The following KLHL14 variants were observed in gnomAD, a reference collection of about 807,000 sequenced individuals.
KLHL14 encodes the protein kelch-like protein 14.
KLHL14 carries 22 observed loss-of-function variants against 64.3 expected under a neutral mutation model. The ratio of observed to expected loss-of-function variants is 0.34; its 90% CI spans 0.24 to 0.49. The LOEUF (loss-of-function observed/expected upper bound fraction) is 0.49. KLHL14 is among the 20% of genes least tolerant of loss of function. The pLI is 0.99. For synonymous variants in KLHL14, 322 were observed against 333.4 expected (o/e 0.97, Z 0.37); for missense variants, 661 against 789.0 (o/e 0.84, Z 1.94).
chr18:32,699,106 A>C (rs2049950536), intron 3 of KLHL14, among the ~76,000 whole-genome samples: 1 of 151,922 alleles, frequency 6.6e-6, no homozygotes, highest in African/African-American at 2.4e-5. Flanking sequence ...TCTCAGTTAC[A>C]CAGTCTTTTA....
intron 3 of KLHL14, among the ~76,000 whole-genome samples, chr18:32,703,397 G>A (rs892245292): frequency 6.6e-6 from 1 of 152,108 alleles, no homozygotes; most frequent in Non-Finnish European, 1.5e-5. Context: ...GGAAGTTAAA[G>A]AAGGAAAAAA....
chr18:32,733,060 T>TTTG (rs2144521845), intron 3 of KLHL14, among the ~76,000 whole-genome samples: 1 of 152,304 alleles, frequency 6.6e-6, no homozygotes, highest in Admixed American at 6.5e-5. Flanking sequence ...TGAGCAGTAT[T>TTTG]GAAAGGAAAC....
At chr18:32,684,403 G>A (rs1258075742) in intron 5 of KLHL14, among the ~76,000 whole-genome samples, 1 of 152,018 alleles carries the variant, frequency 6.6e-6, no homozygotes. Context: ...GGCTATCCTG[G>A]GACTCAATCT....
chr18:32,738,993 T>G (rs1049089015), intron 3 of KLHL14, among the ~76,000 whole-genome samples: 1 of 151,850 alleles, frequency 6.6e-6, no homozygotes, highest in African/African-American at 2.4e-5. Flanking sequence ...GGCTGGCCTC[T>G]TTCTAAGAGG....
chr18:32,711,526 A>C (rs2050019186), intron 3 of KLHL14, among the ~76,000 whole-genome samples: 1 of 152,160 alleles, frequency 6.6e-6, no homozygotes, highest in Non-Finnish European at 1.5e-5. Context: ...CAAAATGGGG[A>C]GTAACATCAC....
At chr18:32,678,244 C>A (rs185892882) in intron 7 of KLHL14, among the ~76,000 whole-genome samples, 2 of 152,192 alleles carry the variant, frequency 1.3e-5, no homozygotes, top group Admixed American at 1.3e-4. Context: ...CAGGTCAAAC[C>A]CTTAATGTTT....
chr18:32,701,489 A>T (rs1311227218), intron 3 of KLHL14, among the ~76,000 whole-genome samples: 1 of 152,148 alleles, frequency 6.6e-6, no homozygotes, highest in Non-Finnish European at 1.5e-5. Flanking sequence ...AGCACCTTGG[A>T]TGAGGGCCCA....
At chr18:32,710,008 T>C (rs146777508) in intron 3 of KLHL14, among the ~76,000 whole-genome samples, 332 of 152,308 alleles carry the variant, frequency 2.2e-3, no homozygotes, top group Non-Finnish European at 3.3e-3. Context: ...AGACAGTATA[T>C]TGTCATACAA....
chr18:32,717,604 A>G (rs1020384219), intron 3 of KLHL14, among the ~76,000 whole-genome samples: 1 of 151,996 alleles, frequency 6.6e-6, no homozygotes, highest in Non-Finnish European at 1.5e-5. Context: ...TTTCCTCTCT[A>G]TCTCTTCCCC....
At chr18:32,691,250 G>T (rs974777596) in intron 4 of KLHL14, among the ~76,000 whole-genome samples, 12 of 152,186 alleles carry the variant, frequency 7.9e-5, no homozygotes, top group African/African-American at 2.9e-4. Flanking sequence ...TTCATGTGCT[G>T]AGCATTGGTG....
rs560812536 is a variant in KLHL14 at position 32,742,649 on chromosome 18, G to C, written c.948-600C>G. Among the ~76,000 whole-genome samples, 58 of 152,008 alleles carry C rather than the reference G, an allele frequency of 3.8e-4. 3 individuals are homozygous for C. Among genetic ancestry groups the C allele is most frequent in the Admixed American group, 2.7e-3 (41 of 15,260 alleles). On this transcript the variant is annotated intron_variant, in intron 2 of 8. Transcript: ENST00000359358. ...CCTTCTTCCCCTTCCCCCACTCCCA[G>C]CTCACCCTCCCCTCTGCTCTCCCCC...
At chr18:32,700,704 A>G (rs1302803824) in intron 3 of KLHL14, among the ~76,000 whole-genome samples, 1 of 152,182 alleles carries the variant, frequency 6.6e-6, no homozygotes, top group African/African-American at 2.4e-5. Context: ...CCGGGTACAC[A>G]CTAGTCAGGG....
intron 4 of KLHL14, among the ~76,000 whole-genome samples, chr18:32,694,052 A>G (rs965705518): frequency 1.3e-5 from 2 of 152,186 alleles, no homozygotes; most frequent in African/African-American, 4.8e-5. Context: ...ATCTGACTTA[A>G]GACCTTAAGT....
At chr18:32,694,532 C>T (rs1372133829) in intron 4 of KLHL14, among the ~76,000 whole-genome samples, 2 of 152,312 alleles carry the variant, frequency 1.3e-5, no homozygotes, top group South Asian at 2.1e-4. Context: ...GAATGTCCCT[C>T]TCTCTTAAAA....
rs1182711041 is a variant in KLHL14, at chr18:32,674,193, C to T, written c.*464G>A. The T allele has an allele frequency of 6.5e-6, 1 of 153,410 alleles. No individual in the cohort carries two copies. The highest frequency in any genetic ancestry group is 2.4e-5 in the African/African-American group (1 of 41,448). 9.5% of individuals were successfully genotyped at this position (153,410 alleles called of 1,614,324 possible). A position where few individuals can be genotyped will look rare whatever the true frequency, so the allele number is the denominator to read the frequency against. ...GTGAAGTAGCCAAAGGTTAAGAGTA[C>T]AGAATCAAGTGGCAATTTCTGTAAT... On this transcript the variant is annotated 3_prime_UTR_variant, in exon 9 of 9. Coordinates refer to ENST00000359358, the MANE Select transcript of KLHL14 (RefSeq NM_020805.3).
chr18:32,673,295 T>G lies in KLHL14; in HGVS notation c.*1362A>C, dbSNP rs1289701687. The G allele has an allele frequency of 6.6e-6, 1 of 152,578 alleles. No individual in the cohort carries two copies. Among genetic ancestry groups the G allele is most frequent in the Admixed American group, 6.5e-5 (1 of 15,270 alleles). The allele number at this position is 152,578 out of a possible 1,614,324, so 9.5% of individuals were successfully genotyped here. ...TAATTACTGTTTTGAATGACACATTTGTTGAAGGATTCAACACCATCTCTG... is the reference window on the plus strand; with the variant it reads ...TAATTACTGTTTTGAATGACACATTGGTTGAAGGATTCAACACCATCTCTG... On this transcript the variant is annotated 3_prime_UTR_variant, in exon 9 of 9. Transcript: ENST00000359358.
Position 32,683,702 on chromosome 18 carries a change from A to G in KLHL14, c.1239-3103T>C, listed in dbSNP as rs1380194012. ...GATAAGTTTTAAAAAGATTAATAAT[A>G]ATGCGTACAAATATACTTTACACTC... On this transcript the variant is annotated intron_variant, in intron 5 of 8. Transcript: ENST00000359358. This position sits in a 1 kb window ranked among gnomAD's most constrained non-coding sequence, Gnocchi z 4.2. Among the ~76,000 whole-genome samples the G allele has an allele frequency of 6.6e-6, 1 of 152,242 alleles. No homozygotes were observed. The highest frequency in any genetic ancestry group is 1.5e-5 in the Non-Finnish European group (1 of 68,046).
At chr18:32,687,033 AT>A in intron 5 of KLHL14, 121 bp downstream of exon 5, 1 of 763,292 alleles carries the variant, frequency 1.3e-6, no homozygotes, top group Admixed American at 2.2e-5. Flanking sequence ...CAAGTTTTCT[AT>A]TTTGCCTCAT....
intron 2 of KLHL14, among the ~76,000 whole-genome samples, chr18:32,769,111 C>A (rs1598582978): frequency 6.6e-6 from 1 of 152,184 alleles, no homozygotes; most frequent in East Asian, 1.9e-4. Flanking sequence ...CGACAGGGAG[C>A]AGATCCCAGT....
Sources: allele counts gnomAD v4.1 joint callset (sites outside exome capture counted in the v4.1 genomes callset), GRCh38; gene constraint gnomAD v4.1.1; non-coding constraint Gnocchi (gnomAD v3.1); transcripts MANE v1.5; gene names NCBI Gene and HGNC (gene_info 2026-07-23, HGNC 2026-07-21).